Variants in FARS2 observed in about 807,000 individuals in gnomAD.
The protein encoded by FARS2 is phenylalanyl-tRNA synthetase 2, mitochondrial.
In FARS2, 40 loss-of-function variants were observed where a neutral mutation model predicts 46.4. That is an observed-to-expected ratio of 0.86 (90% CI 0.67 to 1.12). FARS2 has a LOEUF of 1.12. Among genes scored for constraint, FARS2 ranks in the 50% most tolerant of loss-of-function variants. The pLI, the probability that FARS2 is intolerant of heterozygous loss-of-function variation, is 0.00. For synonymous variants in FARS2, 234 were observed against 214.9 expected (o/e 1.09, Z -0.78); for missense variants, 513 against 567.9 (o/e 0.90, Z 0.98).
At chr6:5,571,413 T>C (rs1772637935) in intron 5 of FARS2, among the ~76,000 whole-genome samples, 2 of 152,174 alleles carry the variant, frequency 1.3e-5, no homozygotes, top group Admixed American at 6.5e-5. Flanking sequence ...TTAAATCATA[T>C]AAAAAAGAAA....
intron 6 of FARS2, among the ~76,000 whole-genome samples, chr6:5,718,866 G>A (rs1759692098): frequency 6.6e-6 from 1 of 152,152 alleles, no homozygotes; most frequent in African/African-American, 2.4e-5. Context: ...ACAGGGAAAT[G>A]TTATCTAGAA....
intron 6 of FARS2, among the ~76,000 whole-genome samples, chr6:5,700,458 G>A (rs1445599732): frequency 1.3e-5 from 2 of 151,884 alleles, no homozygotes; most frequent in Non-Finnish European, 2.9e-5. Context: ...CCAGGCTGGA[G>A]TGCAATGGCA....
chr6:5,320,531 G>A (rs983010679), intron 1 of FARS2, among the ~76,000 whole-genome samples: 3 of 152,192 alleles, frequency 2.0e-5, no homozygotes, highest in Non-Finnish European at 4.4e-5. Context: ...ACTTAAGGTG[G>A]TACTGTGACT....
intron 6 of FARS2, among the ~76,000 whole-genome samples, chr6:5,684,103 G>A (rs186620890): frequency 3.3e-5 from 5 of 152,204 alleles, no homozygotes; most frequent in Admixed American, 6.5e-5. Context: ...CTCAGAACGC[G>A]GTTTCTTGTA....
chr6:5,762,860 G>A (rs1472839198), intron 6 of FARS2, among the ~76,000 whole-genome samples: 1 of 152,174 alleles, frequency 6.6e-6, no homozygotes, highest in Admixed American at 6.5e-5. Context: ...GCAGCAGGGA[G>A]CGGCAACACT....
intron 5 of FARS2, among the ~76,000 whole-genome samples, chr6:5,588,266 G>A (rs912501398): frequency 9.2e-5 from 14 of 152,130 alleles, no homozygotes; most frequent in South Asian, 2.1e-4. Flanking sequence ...TGGTGTGGGC[G>A]TGGGCAGCAG....
intron 1 of FARS2, among the ~76,000 whole-genome samples, chr6:5,318,898 G>T (rs573100013): frequency 6.6e-6 from 1 of 152,158 alleles, no homozygotes; most frequent in Non-Finnish European, 1.5e-5. Flanking sequence ...AAAGGAAGTA[G>T]CCCCTGATAT....
intron 6 of FARS2, among the ~76,000 whole-genome samples, chr6:5,618,805 G>T (rs1288272083): frequency 6.6e-6 from 1 of 152,206 alleles, no homozygotes; most frequent in African/African-American, 2.4e-5. Context: ...AAATAGAATG[G>T]TGATTACCTG....
chr6:5,342,377 G>C (rs74686895), intron 1 of FARS2, among the ~76,000 whole-genome samples: 1,656 of 152,316 alleles, frequency 0.011, 37 homozygotes, highest in African/African-American at 0.038. Flanking sequence ...AAAATGAACA[G>C]AAATGGTAAA....
chr6:5,265,268 G>A (rs1765475445), intron 1 of FARS2, among the ~76,000 whole-genome samples: 1 of 152,190 alleles, frequency 6.6e-6, no homozygotes, highest in Admixed American at 6.5e-5. Context: ...GTTAAAGATT[G>A]CAGTGTATAT....
chr6:5,594,868 C>G (rs1306810268), intron 5 of FARS2, among the ~76,000 whole-genome samples: 1 of 152,206 alleles, frequency 6.6e-6, no homozygotes, highest in Non-Finnish European at 1.5e-5. Flanking sequence ...AGCCTCTGCT[C>G]CTGGTTGCCA....
At chr6:5,593,300 C>A (rs1774021965) in intron 5 of FARS2, among the ~76,000 whole-genome samples, 1 of 146,802 alleles carries the variant, frequency 6.8e-6, no homozygotes, top group Admixed American at 6.6e-5. Context: ...CCTCCCGCCC[C>A]CACCGGCCTC....
intron 6 of FARS2, among the ~76,000 whole-genome samples, chr6:5,754,500 G>A (rs1417600603): frequency 6.6e-6 from 1 of 152,216 alleles, no homozygotes; most frequent in Non-Finnish European, 1.5e-5. Flanking sequence ...TCCATAGGTT[G>A]TGATCTGAAC....
At chr6:5,415,317 T>TTC (rs1762171830) in intron 3 of FARS2, among the ~76,000 whole-genome samples, 2 of 134,210 alleles carry the variant, frequency 1.5e-5, no homozygotes, top group South Asian at 5.2e-4. Flanking sequence ...TTTCTTTTTT[T>TTC]TTTTTTTTTT....
chr6:5,619,760 G>C (rs1775667325), intron 6 of FARS2, among the ~76,000 whole-genome samples: 1 of 152,036 alleles, frequency 6.6e-6, no homozygotes, highest in South Asian at 2.1e-4. Context: ...CGTTGACCTG[G>C]TCAAAGCTCT....
chr6:5,410,381 C>T (rs577244193), intron 3 of FARS2, among the ~76,000 whole-genome samples: 1 of 151,956 alleles, frequency 6.6e-6, no homozygotes, highest in African/African-American at 2.4e-5. Context: ...ACACTGGTCT[C>T]GAACTCCTGA....
At chr6:5,739,156 A>C (rs893231615) in intron 6 of FARS2, among the ~76,000 whole-genome samples, 1 of 152,112 alleles carries the variant, frequency 6.6e-6, no homozygotes, top group Non-Finnish European at 1.5e-5. Flanking sequence ...TTTGCACTCA[A>C]CATAATGCCC....
intron 5 of FARS2, among the ~76,000 whole-genome samples, chr6:5,566,446 A>C (rs1489774030): frequency 1.3e-5 from 2 of 152,180 alleles, no homozygotes; most frequent in African/African-American, 4.8e-5. Flanking sequence ...AGAGGGATTT[A>C]GCTCCTTTTA....
rs1178498956 is a variant in FARS2 at position 5,692,342 on chromosome 6, A to G, written c.1218-78949A>G. On this transcript the variant is annotated intron_variant, in intron 6 of 6. Transcript: ENST00000274680. ...GCCATCTTGGCTCCACCCCCCTTCT[A>G]TGAATTTCTTAGGCTGTTTAAAATT... Among the ~76,000 whole-genome samples, 5 of 152,262 alleles carry G rather than the reference A, an allele frequency of 3.3e-5. No individual in the cohort carries two copies. In the East Asian group the frequency reaches 5.8e-4, roughly 18 times the overall value.
Sources: allele counts gnomAD v4.1 joint callset (sites outside exome capture counted in the v4.1 genomes callset), GRCh38; gene constraint gnomAD v4.1.1; transcripts MANE v1.5; gene names NCBI Gene and HGNC (gene_info 2026-07-23, HGNC 2026-07-21).